The following TLCD4 variants were observed in gnomAD, a reference collection of about 807,000 sequenced individuals.
The protein encoded by TLCD4 is TLC domain containing 4.
Under a neutral mutation model 24.2 loss-of-function variants are expected in TLCD4, and 7 were observed. The observed-to-expected ratio is 0.29, with a 90% CI of 0.16 to 0.54. The LOEUF (loss-of-function observed/expected upper bound fraction) is 0.54, where lower values mean the gene tolerates loss of function less well. Among genes scored for constraint, TLCD4 ranks in the 20% least tolerant of loss-of-function variants. TLCD4 has a pLI of 0.95. For synonymous variants in TLCD4, 103 were observed against 106.4 expected (o/e 0.97, Z 0.20); for missense variants, 259 against 313.9 (o/e 0.82, Z 1.32).
intron 6 of TLCD4, among the ~76,000 whole-genome samples, chr1:95,183,566 T>C (rs1468911151): frequency 6.6e-6 from 1 of 152,132 alleles, no homozygotes; most frequent in East Asian, 1.9e-4. Flanking sequence ...CAGCCAGGTG[T>C]GGTGGCTCAC....
intron 1 of TLCD4, among the ~76,000 whole-genome samples, chr1:95,134,905 A>G (rs775580965): frequency 6.6e-6 from 1 of 152,140 alleles, no homozygotes; most frequent in Admixed American, 6.6e-5. Flanking sequence ...TTTATTTCCT[A>G]TTACAACCAT....
At chr1:95,097,032 T>C in the TLCD4 span, among the ~76,000 whole-genome samples, 1 of 152,158 alleles carries the variant, frequency 6.6e-6, no homozygotes, top group African/African-American at 2.4e-5. Flanking sequence ...TTCTGTCTTG[T>C]CCCCAACTCC....
At chr1:95,133,704 G>C (rs900129545) in intron 1 of TLCD4, among the ~76,000 whole-genome samples, 2 of 152,026 alleles carry the variant, frequency 1.3e-5, no homozygotes, top group African/African-American at 4.8e-5. Flanking sequence ...GACTCTGAGA[G>C]GGTTGGTTGG....
At chr1:95,160,961 C>A (rs1677777560) in intron 5 of TLCD4, among the ~76,000 whole-genome samples, 1 of 152,106 alleles carries the variant, frequency 6.6e-6, no homozygotes, top group Non-Finnish European at 1.5e-5. Context: ...GTCTAAAATT[C>A]TCTTTTTTTT....
intron 6 of TLCD4, among the ~76,000 whole-genome samples, chr1:95,179,958 A>G (rs1678575639): frequency 6.6e-6 from 1 of 152,210 alleles, no homozygotes; most frequent in Non-Finnish European, 1.5e-5. Context: ...ATAGCAACAT[A>G]TGTGTATATT....
chr1:95,169,825 G>T (rs891256716), intron 5 of TLCD4, among the ~76,000 whole-genome samples: 1 of 152,118 alleles, frequency 6.6e-6, no homozygotes, highest in African/African-American at 2.4e-5. Context: ...TCAGACTACA[G>T]GTGTGCACCA....
intron 1 of TLCD4, chr1:95,121,145 T>G (rs1392357790): frequency 1.3e-5 from 2 of 152,188 alleles, no homozygotes; most frequent in Non-Finnish European, 2.9e-5. Context: ...AATGATTGGC[T>G]TTAAGGAAAA....
At chr1:95,153,285 C>G (rs529159253) in intron 5 of TLCD4, among the ~76,000 whole-genome samples, 1 of 151,786 alleles carries the variant, frequency 6.6e-6, no homozygotes, top group Non-Finnish European at 1.5e-5. Context: ...TAAAAGTTGT[C>G]AAAAGGGTAA....
At chr1:95,118,101 C>T (rs1676479202) in intron 1 of TLCD4, 1 of 152,308 alleles carries the variant, frequency 6.6e-6, no homozygotes, top group African/African-American at 2.4e-5. Context: ...GGTAAGTCCC[C>T]CTCCCCCGCC....
chr1:95,160,491 G>A (rs12142182), intron 5 of TLCD4, among the ~76,000 whole-genome samples: 34 of 152,002 alleles, frequency 2.2e-4, no homozygotes, highest in East Asian at 9.7e-4. Context: ...AATTGAATAC[G>A]CTTTATTTCT....
chr1:95,094,954 T>C, the TLCD4 span, among the ~76,000 whole-genome samples: 3 of 152,172 alleles, frequency 2.0e-5, no homozygotes, highest in African/African-American at 4.8e-5. Context: ...TGAGTATGAG[T>C]TGTGGAGTCA....
chr1:95,183,605 G>T (rs767770843), intron 6 of TLCD4, among the ~76,000 whole-genome samples: 1 of 152,174 alleles, frequency 6.6e-6, no homozygotes, highest in Non-Finnish European at 1.5e-5. Flanking sequence ...TTGGGAGGCC[G>T]AGGCGAGCAG....
In TLCD4 at chr1:95,151,410, C is replaced by T; in HGVS notation, c.390C>T (p.Tyr130=). ...MHHCASLYAY[Y]LVLKNGVLAY... ...ATTGTGCGTCCCTGTATGCATACTA[C>T]CTTGTACTGGTGAGTTCCAGGATTT... Residue 130 remains tyrosine (Y), a synonymous_variant, in exon 5 of 7, where the codon TAC becomes TAT. Transcript: ENST00000370203. The T allele has an allele frequency of 5.6e-6, 9 of 1,612,794 alleles. No homozygotes were observed. Among genetic ancestry groups the T allele is most frequent in the Non-Finnish European group, 7.6e-6 (9 of 1,179,286 alleles).
intron 6 of TLCD4, among the ~76,000 whole-genome samples, chr1:95,182,127 C>A (rs982238025): frequency 6.6e-6 from 1 of 152,020 alleles, no homozygotes; most frequent in Admixed American, 6.6e-5. Flanking sequence ...TTCCAATATT[C>A]TGATTTTCAT....
chr1:95,125,862 G>A (rs777243122), intron 1 of TLCD4, among the ~76,000 whole-genome samples: 1 of 152,134 alleles, frequency 6.6e-6, no homozygotes, highest in Admixed American at 6.6e-5. Flanking sequence ...CTTAAGAAAG[G>A]GCTGGTATTC....
chr1:95,097,981 A>G, the TLCD4 span, among the ~76,000 whole-genome samples: 4 of 152,216 alleles, frequency 2.6e-5, no homozygotes, highest in Non-Finnish European at 4.4e-5. Context: ...TCCTTCAAAT[A>G]GATGGAAACT....
intron 1 of TLCD4, among the ~76,000 whole-genome samples, chr1:95,133,088 A>C (rs554266619): frequency 6.6e-6 from 1 of 152,250 alleles, no homozygotes; most frequent in South Asian, 2.1e-4. Flanking sequence ...GTAAAAATTC[A>C]AGCAAGAGAG....
chr1:95,178,112 G>A (rs1378781317), intron 6 of TLCD4, among the ~76,000 whole-genome samples: 5 of 150,550 alleles, frequency 3.3e-5, no homozygotes, highest in South Asian at 2.1e-4. Context: ...TGCCACACCC[G>A]GCTTTTTGTA....
intron 1 of TLCD4, among the ~76,000 whole-genome samples, chr1:95,126,502 A>G (rs1676740226): frequency 6.6e-6 from 1 of 152,052 alleles, no homozygotes; most frequent in African/African-American, 2.4e-5. Context: ...TCTGTTGCCA[A>G]ATAAACCATC....
Sources: allele counts gnomAD v4.1 joint callset (sites outside exome capture counted in the v4.1 genomes callset), GRCh38; gene constraint gnomAD v4.1.1; transcripts MANE v1.5; gene names NCBI Gene and HGNC (gene_info 2026-07-23, HGNC 2026-07-21).